SEPTIN7: variants seen among roughly 807,000 people sequenced by gnomAD.
SEPTIN7 encodes the protein septin-7.
In SEPTIN7, 10 loss-of-function variants were observed where a neutral mutation model predicts 63.3. The observed-to-expected ratio is 0.16, with a 90% CI of 0.10 to 0.27. The LOEUF (loss-of-function observed/expected upper bound fraction) is 0.27, where lower values mean the gene tolerates loss of function less well. SEPTIN7 is among the 10% of genes least tolerant of loss of function. The pLI is 1.00. For missense variants in SEPTIN7, 310 were observed against 521.0 expected, an observed-to-expected ratio of 0.59 and a Z score of 3.94; for synonymous variants, 131 against 165.3, an observed-to-expected ratio of 0.79 and a Z score of 1.59.
chr7:35,862,626 G>A (rs1443556546), intron 3 of SEPTIN7, among the ~76,000 whole-genome samples: 3 of 152,072 alleles, frequency 2.0e-5, no homozygotes, highest in African/African-American at 2.4e-5. Context: ...CCCAGACCAC[G>A]TGGAAAGGAT....
At chr7:35,867,344 T>A (rs1190950152) in intron 4 of SEPTIN7, among the ~76,000 whole-genome samples, 1 of 152,146 alleles carries the variant, frequency 6.6e-6, no homozygotes, top group African/African-American at 2.4e-5. Context: ...CATTTGAAAA[T>A]TTTTATATTT....
chr7:35,839,712 G>T (rs1200175099), intron 3 of SEPTIN7, among the ~76,000 whole-genome samples: 1 of 151,942 alleles, frequency 6.6e-6, no homozygotes, highest in African/African-American at 2.4e-5. Flanking sequence ...CCACCATCAC[G>T]CTCAGCTAAT....
intron 3 of SEPTIN7, among the ~76,000 whole-genome samples, chr7:35,842,114 C>T (rs540306025): frequency 6.6e-5 from 10 of 152,014 alleles, no homozygotes; most frequent in Admixed American, 1.3e-4. Flanking sequence ...TATTATGAAT[C>T]GGGTTTAGTC....
intron 8 of SEPTIN7, 34 bp from the exon 9 acceptor site, chr7:35,883,857 A>G: frequency 3.2e-6 from 4 of 1,261,672 alleles, no homozygotes; most frequent in Non-Finnish European, 4.6e-6. Context: ...AGGACTACAG[A>G]GATGTATTTG....
chr7:35,836,052 AT>A (rs1387621762), intron 3 of SEPTIN7, among the ~76,000 whole-genome samples: 2 of 152,192 alleles, frequency 1.3e-5, no homozygotes, highest in Non-Finnish European at 2.9e-5. Flanking sequence ...TACAATTAAA[AT>A]TAAGCTGGAA....
intron 1 of SEPTIN7, among the ~76,000 whole-genome samples, chr7:35,805,762 G>GC (rs1266649948): frequency 9.1e-4 from 138 of 152,308 alleles, no homozygotes; most frequent in Non-Finnish European, 1.7e-3. Flanking sequence ...TTTATTCAAT[G>GC]TTTGTTTGCT....
intron 3 of SEPTIN7, among the ~76,000 whole-genome samples, chr7:35,860,042 T>C (rs924663572): frequency 6.6e-6 from 1 of 152,134 alleles, no homozygotes; most frequent in African/African-American, 2.4e-5. Flanking sequence ...TGTTTTGTCC[T>C]TCATTTCTTC....
intron 9 of SEPTIN7, 136 bp from the exon 10 acceptor site, chr7:35,885,692 G>A (rs1262697998): frequency 1.4e-6 from 1 of 690,526 alleles, no homozygotes; most frequent in Non-Finnish European, 2.6e-6. Context: ...TACTATGTTA[G>A]TGTTAAATCT....
At chr7:35,902,981 G>T in intron 12 of SEPTIN7, 95 bp from the exon 13 acceptor site, 2 of 1,420,914 alleles carry the variant, frequency 1.4e-6, no homozygotes, top group South Asian at 1.6e-5. Flanking sequence ...TTCAAATAGT[G>T]CTCATACTCC....
At chr7:35,912,343 G>A in the SEPTIN7 span, among the ~76,000 whole-genome samples, 1 of 152,124 alleles carries the variant, frequency 6.6e-6, no homozygotes, top group Non-Finnish European at 1.5e-5. Context: ...GTGCCTAAAG[G>A]GCATGTTCCT....
the SEPTIN7 span, among the ~76,000 whole-genome samples, chr7:35,915,174 CAT>C: frequency 1.4e-4 from 18 of 132,928 alleles, no homozygotes; most frequent in African/African-American, 5.0e-4. Context: ...TATATACACA[CAT>C]ATACATATAT....
At chr7:35,898,126 AGG>A in intron 11 of SEPTIN7, 120 bp from the exon 12 acceptor site, 1 of 631,236 alleles carries the variant, frequency 1.6e-6, no homozygotes, top group Non-Finnish European at 2.4e-6. Flanking sequence ...AAGAAGTTCT[AGG>A]TTATAAATAT....
At chr7:35,828,682 C>T (rs1030453055) in intron 1 of SEPTIN7, among the ~76,000 whole-genome samples, 24 of 152,180 alleles carry the variant, frequency 1.6e-4, no homozygotes, top group African/African-American at 5.8e-4. Flanking sequence ...CTGCCGACCT[C>T]CTGTTTATCT....
At chr7:35,861,806 G>A (rs76920401) in intron 3 of SEPTIN7, among the ~76,000 whole-genome samples, 6 of 152,264 alleles carry the variant, frequency 3.9e-5, no homozygotes, top group Admixed American at 2.0e-4. Context: ...CACTCTTGCC[G>A]CTCATTTGAA....
At chr7:35,826,409 A>AT (rs925984161) in intron 1 of SEPTIN7, among the ~76,000 whole-genome samples, 9 of 149,630 alleles carry the variant, frequency 6.0e-5, no homozygotes, top group African/African-American at 2.0e-4. Flanking sequence ...ATATATATAT[A>AT]TTTTTTAAAA....
In SEPTIN7 at chr7:35,895,792, T is replaced by C. The variant is rs138523744; in HGVS notation, c.999-2456T>C. Among the ~76,000 whole-genome samples the C allele has an allele frequency of 7.9e-5, 12 of 152,320 alleles. No homozygotes were observed. In the East Asian group the frequency reaches 2.1e-3, roughly 27 times the overall value. ...ATGTAAGGCAGGGGATTTTAAATAC[T>C]TAAATTTTGAATTTAAATGAAGATA... On this transcript the variant is annotated intron_variant, in intron 11 of 13. Coordinates refer to ENST00000350320, the MANE Select transcript of SEPTIN7 (RefSeq NM_001788.6).
At chr7:35,862,375 T>G (rs1785554819) in intron 3 of SEPTIN7, among the ~76,000 whole-genome samples, 1 of 152,198 alleles carries the variant, frequency 6.6e-6, no homozygotes, top group East Asian at 1.9e-4. Context: ...ACTTTTGTTT[T>G]TAATTTCCCA....
At chr7:35,824,038 T>C (rs983302383) in intron 1 of SEPTIN7, among the ~76,000 whole-genome samples, 3 of 151,972 alleles carry the variant, frequency 2.0e-5, no homozygotes, top group Non-Finnish European at 4.4e-5. Context: ...CTTAAAACTC[T>C]TGACCTTGTA....
chr7:35,855,599 T>C (rs1785166047), intron 3 of SEPTIN7, among the ~76,000 whole-genome samples: 1 of 152,194 alleles, frequency 6.6e-6, no homozygotes, highest in Admixed American at 6.5e-5. Flanking sequence ...GTAATACTCA[T>C]TTTGTTTGTA....
Sources: gnomAD v4.1 joint callset for allele counts (sites outside exome capture counted in the v4.1 genomes callset) on GRCh38, gnomAD v4.1.1 for gene constraint, MANE v1.5 for transcripts, NCBI Gene and HGNC (gene_info 2026-07-23, HGNC 2026-07-21) for gene names.